The following HERC2 variants were observed in gnomAD, a reference collection of about 807,000 sequenced individuals.
HERC2 encodes E3 ubiquitin-protein ligase HERC2.
HERC2 carries 102 observed loss-of-function variants against 537.7 expected under a neutral mutation model. That is an observed-to-expected ratio of 0.19 (90% CI 0.16 to 0.22). HERC2 has a LOEUF of 0.22. Among genes scored for constraint, HERC2 ranks in the 10% least tolerant of loss-of-function variants. The pLI, the probability that HERC2 is intolerant of heterozygous loss-of-function variation, is 1.00. For missense variants in HERC2, 4,236 were observed against 6,198.2 expected, an observed-to-expected ratio of 0.68 and a Z score of 10.63; for synonymous variants, 2,224 against 2,466.2, an observed-to-expected ratio of 0.90 and a Z score of 2.91.
intron 11 of HERC2, among the ~76,000 whole-genome samples, chr15:28,269,032 G>A (rs1169893686): frequency 1.3e-5 from 2 of 152,210 alleles, no homozygotes; most frequent in African/African-American, 2.4e-5. Flanking sequence ...GGAATCTCAC[G>A]ATTAGCAATG....
At chr15:28,158,570 T>A (rs190253138) in intron 69 of HERC2, among the ~76,000 whole-genome samples, 1 of 152,202 alleles carries the variant, frequency 6.6e-6, no homozygotes, top group Admixed American at 6.5e-5. Flanking sequence ...CCTGCCTTTT[T>A]TTGTTTTCCA....
At chr15:28,316,322 A>T (rs991054572) in intron 2 of HERC2, among the ~76,000 whole-genome samples, 3 of 151,960 alleles carry the variant, frequency 2.0e-5, no homozygotes, top group Non-Finnish European at 4.4e-5. Context: ...GTCTTTTCCA[A>T]GAACCAAAGT....
rs763331886 is a variant in HERC2, at chr15:28,192,181, AC to A, written c.8261-31del. ...TTCGTGATAGTCAAAAAGAGAATTA[AC>A]CCTTGCTGAACTGGGGAGAAACATC... On this transcript the variant is annotated intron_variant, in intron 52 of 92. Transcript: ENST00000261609. 47 of 1,575,730 alleles carry A rather than the reference AC, an allele frequency of 3.0e-5. 1 individual carries two copies. In the Middle Eastern group the frequency reaches 6.7e-4, roughly 22 times the overall value.
chr15:28,205,285 C>CTGCAGGGAGCCCGTGCACCGCCCCACG (rs11268055), intron 45 of HERC2, among the ~76,000 whole-genome samples: 1 of 15,506 alleles, frequency 6.4e-5, no homozygotes, highest in South Asian at 1.1e-3. Context: ...CCCAGCATGA[C>CTGCAGGGAGCCCGTGCACCGCCCCACG]TGCTCTCAAG....
chr15:28,265,801 T>C lies in HERC2; in HGVS notation c.1756+16A>G. 6.2e-7 allele frequency: 1 copy of C among 1,614,178 alleles called. No individual in the cohort carries two copies. The highest frequency in any genetic ancestry group is 1.1e-5 in the South Asian group (1 of 91,086). On this transcript the variant is annotated intron_variant, in intron 13 of 92. Transcript: ENST00000261609. This position sits in a 1 kb window ranked among gnomAD's most constrained non-coding sequence, Gnocchi z 4.0. ...ACCTCCTGCTGCATGCTCCCACTCATGCAGAGCAGACGTACCATGGCCCAG... is the reference window on the plus strand; with the variant it reads ...ACCTCCTGCTGCATGCTCCCACTCACGCAGAGCAGACGTACCATGGCCCAG...
intron 2 of HERC2, among the ~76,000 whole-genome samples, chr15:28,300,079 G>GA (rs1385246415): frequency 6.8e-6 from 1 of 146,520 alleles, no homozygotes; most frequent in African/African-American, 2.5e-5. Context: ...GAAAAGAAAA[G>GA]AAAAAAAAGA....
Position 28,268,692 on chromosome 15 carries a change from T to G in HERC2, c.1447-76A>C. The G allele has an allele frequency of 7.8e-7, 1 of 1,274,406 alleles. No individual in the cohort carries two copies. 78.9% of individuals were successfully genotyped at this position (1,274,406 alleles called of 1,614,324 possible). On this transcript the variant is annotated intron_variant, in intron 11 of 92. Transcript: ENST00000261609. The surrounding 1 kb of genome is among the most constrained non-coding windows in gnomAD (Gnocchi z 4.7). ...AAACCAGCTCAGCTCTCCGTTATCA[T>G]GTATCCCCAAGCAAAGCCTGCTGTA...
chr15:28,291,017 T>G (rs1596403426), intron 4 of HERC2, among the ~76,000 whole-genome samples: 1 of 152,170 alleles, frequency 6.6e-6, no homozygotes, highest in South Asian at 2.1e-4. Flanking sequence ...AACCAACAAC[T>G]GGTTCTTTGA....
At position 28,222,154 on chromosome 15, in the gene HERC2, T is replaced by G; in HGVS notation, c.5526A>C (p.Thr1842=). ...TTTCCTTCCTTGTTTCTTCCAAAACTGTGGCAGAAGCACCTTGAGCAGAAG... is the reference window on the plus strand; with the variant it reads ...TTTCCTTCCTTGTTTCTTCCAAAACGGTGGCAGAAGCACCTTGAGCAGAAG... The part of the protein sequence containing the change: ...MNASAQGASA[T]VLEETRKETA... Residue 1842 remains threonine, a synonymous_variant, in exon 36 of 93, where the codon ACA becomes ACC. Transcript: ENST00000261609. 6.7e-7 allele frequency: 1 copy of G among 1,492,578 alleles called. No individual in the cohort carries two copies. The highest frequency in any genetic ancestry group is 9.3e-7 in the Non-Finnish European group (1 of 1,080,536). The allele number at this position is 1,492,578 out of a possible 1,614,324, so 92.5% of individuals were successfully genotyped here. A position where few individuals can be genotyped will look rare whatever the true frequency, so the allele number is the denominator to read the frequency against.
chr15:28,197,650 G>T (rs1897472894), intron 50 of HERC2, among the ~76,000 whole-genome samples: 1 of 152,188 alleles, frequency 6.6e-6, no homozygotes. Flanking sequence ...TACTCTGGAG[G>T]CTGAGACTGG....
rs1278258102 is a variant in HERC2 at position 28,113,397 on chromosome 15, G to A, written c.14020-114C>T. ...CCTGTTTGGGGTGGGGAAAGGTCTG[G>A]GGGCTCTGGGTGGGCCCACACACAG... On this transcript the variant is annotated intron_variant, in intron 91 of 92. Coordinates refer to ENST00000261609, the MANE Select transcript of HERC2 (RefSeq NM_004667.6). This position sits in a 1 kb window ranked among gnomAD's most constrained non-coding sequence, Gnocchi z 7.0. 8.1e-7 allele frequency: 1 copy of A among 1,238,706 alleles called. No homozygotes were observed. The highest frequency in any genetic ancestry group is 1.5e-5 in the African/African-American group (1 of 67,374). The allele number at this position is 1,238,706 out of a possible 1,614,324, so 76.7% of individuals were successfully genotyped here.
rs1890758243 is a variant in HERC2, at chr15:28,137,384, C to T, written c.12016-1692G>A. 2.6e-5 allele frequency among the ~76,000 whole-genome samples: 4 copies of T among 152,326 alleles called. No homozygotes were observed. In the South Asian group the frequency reaches 8.3e-4, roughly 32 times the overall value. On this transcript the variant is annotated intron_variant, in intron 78 of 92. Coordinates refer to ENST00000261609, the MANE Select transcript of HERC2 (RefSeq NM_004667.6). The stretch of plus-strand genomic sequence containing the variant: ...CTTGCTTTACTGTACCTCGCAGATA[C>T]TGTTTTTTATAAACTGAAGGTCTGT...
chr15:28,274,407 G>A lies in HERC2; in HGVS notation c.684C>T (p.Ser228=), dbSNP rs756219648. The A allele has an allele frequency of 1.2e-6, 2 of 1,613,624 alleles. No homozygotes were observed. The highest frequency in any genetic ancestry group is 1.7e-6 in the Non-Finnish European group (2 of 1,179,790). Reference sequence around the variant, plus strand: ...CGGGAAGTGCTCGCAGGGCGTCCAGGGACTCCTGCAACAGCTCACTGCAGA... The same window carrying A: ...CGGGAAGTGCTCGCAGGGCGTCCAGAGACTCCTGCAACAGCTCACTGCAGA... ...ADLCSELLQE[S]LDALRALPEA... The change falls in exon 7 of 93, where the codon TCC becomes TCT. Residue 228 remains serine (S), a synonymous_variant. Transcript: ENST00000261609.
chr15:28,134,307 T>A (rs914713834), intron 79 of HERC2, among the ~76,000 whole-genome samples: 1 of 152,234 alleles, frequency 6.6e-6, no homozygotes, highest in Admixed American at 6.5e-5. Context: ...GTAACTTTTA[T>A]TTATTGATCT....
At position 28,122,777 on chromosome 15, in the gene HERC2, C is replaced by A. The variant is rs1305593180; in HGVS notation, c.13188+1260G>T. On this transcript the variant is annotated intron_variant, in intron 85 of 92. Coordinates refer to ENST00000261609, the MANE Select transcript of HERC2 (RefSeq NM_004667.6). This position sits in a 1 kb window ranked among gnomAD's most constrained non-coding sequence, Gnocchi z 4.1. ...GTACCTTTCAGACGCCCTCAGCACT[C>A]CCCTGCTCTCCTGCAGCCCCAGCAG... 6.6e-6 allele frequency among the ~76,000 whole-genome samples: 1 copy of A among 152,120 alleles called. No homozygotes were observed. The highest frequency in any genetic ancestry group is 1.5e-5 in the Non-Finnish European group (1 of 68,032).
chr15:28,275,121 G>A (rs2141015882), intron 5 of HERC2, 116 bp from the exon 6 acceptor site: 3 of 546,846 alleles, frequency 5.5e-6, no homozygotes, highest in Middle Eastern at 6.0e-4. Context: ...TTTTCTTCAA[G>A]TGACAGGATC....
Position 28,177,160 on chromosome 15 carries a change from A to T in HERC2, c.9255-33T>A. On this transcript the variant is annotated intron_variant, in intron 60 of 92. Transcript: ENST00000261609. The surrounding 1 kb of genome is among the most constrained non-coding windows in gnomAD (Gnocchi z 5.0). ...AAGATGAAATCAGCTCTCTACAGTC[A>T]ATCTGTCCCTTCTTAGAGATGAAGG... 2 of 1,588,778 alleles carry T rather than the reference A, an allele frequency of 1.3e-6. No individual in the cohort carries two copies. The highest frequency in any genetic ancestry group is 8.6e-7 in the Non-Finnish European group (1 of 1,163,872).
At chr15:28,303,383 T>TAC in intron 2 of HERC2, among the ~76,000 whole-genome samples, 1 of 152,260 alleles carries the variant, frequency 6.6e-6, no homozygotes, top group Non-Finnish European at 1.5e-5. Flanking sequence ...TTTATACCAG[T>TAC]ACCATGCTGT....
chr15:28,228,497 TCTGA>T, intron 34 of HERC2, 88 bp from the exon 35 acceptor site: 1 of 1,232,600 alleles, frequency 8.1e-7, no homozygotes, highest in Non-Finnish European at 1.2e-6. Context: ...ACTCTAAACA[TCTGA>T]CTATTTTGAA....
Sources: gnomAD v4.1 joint callset for allele counts (sites outside exome capture counted in the v4.1 genomes callset) on GRCh38, gnomAD v4.1.1 for gene constraint, Gnocchi (gnomAD v3.1) non-coding constraint, MANE v1.5 for transcripts, NCBI Gene and HGNC (gene_info 2026-07-23, HGNC 2026-07-21) for gene names.